The following CEP83 variants were observed in gnomAD, a reference collection of about 807,000 sequenced individuals.
CEP83 encodes centrosomal protein 83, also known as centrosomal protein of 83 kDa.
A neutral mutation model predicts 101.9 loss-of-function variants in CEP83; 70 were observed. The ratio of observed to expected loss-of-function variants is 0.69; its 90% CI spans 0.57 to 0.84. The LOEUF is 0.84. CEP83 is among the 40% of genes least tolerant of loss of function. The pLI, the probability that CEP83 is intolerant of heterozygous loss-of-function variation, is 0.00. For synonymous variants in CEP83, 264 were observed against 267.9 expected, an observed-to-expected ratio of 0.99 and a Z score of 0.14; for missense variants, 715 against 787.2, an observed-to-expected ratio of 0.91 and a Z score of 1.10.
At chr12:94,272,161 A>G in the CEP83 span, 1 of 152,078 alleles carries the variant, frequency 6.6e-6, no homozygotes, top group African/African-American at 2.4e-5. Context: ...GGTAATAGGC[A>G]TCATTCCCAA....
At chr12:94,274,568 G>C in the CEP83 span, among the ~76,000 whole-genome samples, 3 of 152,218 alleles carry the variant, frequency 2.0e-5, no homozygotes, top group Non-Finnish European at 4.4e-5. Flanking sequence ...GAAATAGGAA[G>C]AGGCAGGGCA....
chr12:94,349,960 T>G (rs1182555787), intron 11 of CEP83, among the ~76,000 whole-genome samples: 2 of 152,152 alleles, frequency 1.3e-5, no homozygotes, highest in East Asian at 3.8e-4. Flanking sequence ...GTGAAATACT[T>G]AGAAAACTAA....
chr12:94,432,853 A>C (rs890049231), intron 2 of CEP83, among the ~76,000 whole-genome samples: 1 of 152,220 alleles, frequency 6.6e-6, no homozygotes, highest in Non-Finnish European at 1.5e-5. Flanking sequence ...GTACCTCATA[A>C]ATATGTAAAC....
chr12:94,297,065 C>G, the CEP83 span: 4 of 869,254 alleles, frequency 4.6e-6, no homozygotes, highest in Non-Finnish European at 7.5e-6. Context: ...ATGGAGAGCT[C>G]AAGTCAAAAA....
At chr12:94,436,937 A>G (rs1284478969) in intron 1 of CEP83, among the ~76,000 whole-genome samples, 1 of 152,126 alleles carries the variant, frequency 6.6e-6, no homozygotes, top group African/African-American at 2.4e-5. Flanking sequence ...AAGACCCAAC[A>G]TAAGAATAAT....
downstream of CEP83, among the ~76,000 whole-genome samples, chr12:94,301,621 C>T (rs911401281): frequency 5.3e-5 from 8 of 152,056 alleles, no homozygotes; most frequent in South Asian, 2.1e-4. Context: ...CTTATTTGAG[C>T]GCTCCAAAAT....
intron 2 of CEP83, among the ~76,000 whole-genome samples, chr12:94,422,094 G>A (rs2064803094): frequency 6.6e-6 from 1 of 152,112 alleles, no homozygotes; most frequent in Admixed American, 6.6e-5. Flanking sequence ...GAGGTGTTTT[G>A]GCCTTTCTCA....
intron 14 of CEP83, among the ~76,000 whole-genome samples, chr12:94,324,714 T>C (rs1262291098): frequency 1.3e-5 from 2 of 152,238 alleles, no homozygotes; most frequent in Non-Finnish European, 2.9e-5. Flanking sequence ...ATTGAGTTAA[T>C]TATTGTTATT....
At chr12:94,455,638 G>C (rs1252460739) in intron 1 of CEP83, among the ~76,000 whole-genome samples, 1 of 152,188 alleles carries the variant, frequency 6.6e-6, no homozygotes, top group African/African-American at 2.4e-5. Context: ...GCCAGGTTTA[G>C]GTTCCTACTA....
At chr12:94,370,491 A>G (rs2061250295) in intron 8 of CEP83, among the ~76,000 whole-genome samples, 1 of 152,170 alleles carries the variant, frequency 6.6e-6, no homozygotes. Flanking sequence ...CTCTCTCCTC[A>G]GCATTCCAAG....
chr12:94,315,654 G>A (rs913969227), intron 14 of CEP83, among the ~76,000 whole-genome samples: 1 of 151,186 alleles, frequency 6.6e-6, no homozygotes, highest in African/African-American at 2.4e-5. Context: ...ATTATCCCAA[G>A]ATCCTAAAAT....
At chr12:94,302,446 G>GC (rs1968558348), downstream of CEP83, among the ~76,000 whole-genome samples, 1 of 152,128 alleles carries the variant, frequency 6.6e-6, no homozygotes, top group African/African-American at 2.4e-5. Context: ...GTCTACATAT[G>GC]CCTACTTTGT....
chr12:94,301,395 A>G, the CEP83 span, among the ~76,000 whole-genome samples: 4 of 152,238 alleles, frequency 2.6e-5, no homozygotes, highest in African/African-American at 9.6e-5. Context: ...ATTTGCCTAA[A>G]TCAATTCTAT....
chr12:94,271,697 C>T, the CEP83 span, among the ~76,000 whole-genome samples: 1 of 152,226 alleles, frequency 6.6e-6, no homozygotes, highest in Non-Finnish European at 1.5e-5. Context: ...AATACATGTA[C>T]CACGTCTAGC....
the CEP83 span, among the ~76,000 whole-genome samples, chr12:94,276,746 C>G: frequency 5.3e-5 from 8 of 152,292 alleles, no homozygotes; most frequent in African/African-American, 1.9e-4. Flanking sequence ...AGGCACTCTG[C>G]CCACCAGCTC....
chr12:94,404,457 G>C (rs777326028), intron 4 of CEP83, among the ~76,000 whole-genome samples: 1 of 152,160 alleles, frequency 6.6e-6, no homozygotes, highest in African/African-American at 2.4e-5. Flanking sequence ...TCAAAGGTGA[G>C]TTAAAGCCAT....
intron 15 of CEP83, 31 bp from the exon 16 acceptor site, chr12:94,310,138 A>T (rs781208061): frequency 8.1e-7 from 1 of 1,229,740 alleles, no homozygotes; most frequent in Non-Finnish European, 1.2e-6. Flanking sequence ...TTTCTTTAAC[A>T]TGGTTATACC....
chr12:94,381,123 A>C (rs2061825818), intron 6 of CEP83, among the ~76,000 whole-genome samples: 1 of 152,150 alleles, frequency 6.6e-6, no homozygotes, highest in African/African-American at 2.4e-5. Flanking sequence ...GCAAACACAA[A>C]ACCTCTGCTG....
At chr12:94,424,896 C>T in intron 2 of CEP83, 1 of 1,599,616 alleles carries the variant, frequency 6.3e-7, no homozygotes, top group Non-Finnish European at 8.6e-7. Flanking sequence ...GCCAATGACA[C>T]ATATGGCTTC....
Sources: gnomAD v4.1 joint callset for allele counts (sites outside exome capture counted in the v4.1 genomes callset) on GRCh38, gnomAD v4.1.1 for gene constraint, MANE v1.5 for transcripts, NCBI Gene and HGNC (gene_info 2026-07-23, HGNC 2026-07-21) for gene names.